Variants in KCNK9 observed in about 807,000 individuals in gnomAD.
The protein encoded by KCNK9 is potassium two pore domain channel subfamily K member 9, also known as potassium channel subfamily K member 9.
In KCNK9, 1 loss-of-function variant was observed where a neutral mutation model predicts 10.8. The observed-to-expected ratio is 0.09, with a 90% CI of 0.03 to 0.44. KCNK9 has a LOEUF of 0.44. KCNK9 is among the 20% of genes least tolerant of loss of function. KCNK9 has a pLI of 0.97. For missense variants in KCNK9, 303 were observed against 515.0 expected (o/e 0.59, Z 3.98); for synonymous variants, 231 against 222.7 (o/e 1.04, Z -0.33).
chr8:139,663,648 C>CGCACGTGTGTGTGTGTGT (rs1816222319), intron 1 of KCNK9, among the ~76,000 whole-genome samples: 3 of 137,600 alleles, frequency 2.2e-5, no homozygotes, highest in Admixed American at 7.2e-5. Context: ...CGCGTGCGCA[C>CGCACGTGTGTGTGTGTGT]GTGTGTGTGT....
downstream of KCNK9, among the ~76,000 whole-genome samples, chr8:139,609,951 G>C (rs1814367526): frequency 6.6e-6 from 1 of 152,052 alleles, no homozygotes; most frequent in African/African-American, 2.4e-5. Context: ...CAGAGGAGTG[G>C]GATGTCTTGC....
chr8:139,643,615 G>C (rs1014015533), intron 1 of KCNK9, among the ~76,000 whole-genome samples: 1 of 152,172 alleles, frequency 6.6e-6, no homozygotes, highest in Non-Finnish European at 1.5e-5. Context: ...CAGGGCACAG[G>C]TGTCCCCTGG....
intron 2 of KCNK9, among the ~76,000 whole-genome samples, chr8:139,602,987 C>T (rs1221358292): frequency 2.0e-5 from 3 of 152,288 alleles, no homozygotes; most frequent in East Asian, 3.9e-4. Flanking sequence ...CCTCAAGTGT[C>T]CTCTTCAAGG....
At chr8:139,688,754 C>G (rs1005545261) in intron 1 of KCNK9, among the ~76,000 whole-genome samples, 1 of 152,156 alleles carries the variant, frequency 6.6e-6, no homozygotes, top group Non-Finnish European at 1.5e-5. Context: ...GTCTTCTTGA[C>G]CATAGTAAGA....
At chr8:139,633,809 C>A (rs1215342145) in intron 1 of KCNK9, among the ~76,000 whole-genome samples, 1 of 152,228 alleles carries the variant, frequency 6.6e-6, no homozygotes, top group African/African-American at 2.4e-5. Context: ...CAGGGCCTTC[C>A]CCCGAGGCCT....
intron 1 of KCNK9, among the ~76,000 whole-genome samples, chr8:139,688,670 G>A (rs1443887682): frequency 6.6e-6 from 1 of 152,208 alleles, no homozygotes; most frequent in Admixed American, 6.5e-5. Flanking sequence ...CTTGACCATG[G>A]CAGGCTTCCA....
In KCNK9 at chr8:139,702,636, C is replaced by A. The variant is rs1011213262; in HGVS notation, c.283+74G>T. The A allele has an allele frequency of 1.4e-6, 2 of 1,479,866 alleles. No individual in the cohort carries two copies. The highest frequency in any genetic ancestry group is 9.1e-7 in the Non-Finnish European group (1 of 1,104,308). 91.7% of individuals were successfully genotyped at this position (1,479,866 alleles called of 1,614,324 possible). ...AACCCTCGACGCCCTGCACCCAGCCCGGCGCGGCGCGCTCAGCCGCCTCCC... is the reference window on the plus strand; with the variant it reads ...AACCCTCGACGCCCTGCACCCAGCCAGGCGCGGCGCGCTCAGCCGCCTCCC... On this transcript the variant is annotated intron_variant, in intron 1 of 1. Coordinates refer to ENST00000520439, the MANE Select transcript of KCNK9 (RefSeq NM_001282534.2). This position sits in a 1 kb window ranked among gnomAD's most constrained non-coding sequence, Gnocchi z 7.5.
intron 1 of KCNK9, among the ~76,000 whole-genome samples, chr8:139,685,089 G>C (rs1200802773): frequency 6.9e-6 from 1 of 144,148 alleles, no homozygotes; most frequent in Non-Finnish European, 1.5e-5. Flanking sequence ...TAATAGGTTT[G>C]TGTAGAACTT....
At chr8:139,692,893 T>C (rs1816962500) in intron 1 of KCNK9, among the ~76,000 whole-genome samples, 1 of 151,890 alleles carries the variant, frequency 6.6e-6, no homozygotes, top group Non-Finnish European at 1.5e-5. Context: ...TGCCTAGAGC[T>C]TCTGCTTCAA....
chr8:139,642,945 G>A (rs1426454596), intron 1 of KCNK9, among the ~76,000 whole-genome samples: 1 of 152,088 alleles, frequency 6.6e-6, no homozygotes, highest in African/African-American at 2.4e-5. Context: ...AAAAGAACTC[G>A]TGTCCTATGG....
chr8:139,702,239 C>G lies in KCNK9; in HGVS notation c.283+471G>C, dbSNP rs1817239578. On this transcript the variant is annotated intron_variant, in intron 1 of 1. Coordinates refer to ENST00000520439, the MANE Select transcript of KCNK9 (RefSeq NM_001282534.2). The surrounding 1 kb of genome is among the most constrained non-coding windows in gnomAD (Gnocchi z 7.5). ...CTACGGAGGGTCAGTGCCTCTCACG[C>G]CCCAGGCGCACTCCCCTGCCACCTG... Among the ~76,000 whole-genome samples the G allele has an allele frequency of 6.6e-6, 1 of 152,174 alleles. No individual in the cohort carries two copies. The highest frequency in any genetic ancestry group is 6.5e-5 in the Admixed American group (1 of 15,290).
chr8:139,701,878 C>T (rs1817228303), intron 1 of KCNK9, among the ~76,000 whole-genome samples: 1 of 152,212 alleles, frequency 6.6e-6, no homozygotes, highest in East Asian at 1.9e-4. Context: ...GCGCCCTTGG[C>T]AGTGGGGCTG....
In KCNK9 at chr8:139,618,861, C is replaced by G. The variant is rs1488545813; in HGVS notation, c.522G>C (p.Gly174=). ...CCTCACACTGGGAGAAGGCGGCCGC[C>G]CCGATGCACAGCGTCCCCATGCAGG... The part of the protein sequence containing the change: ...FFSCMGTLCI[G]AAAFSQCEEW... The change falls in exon 2 of 2, where the codon GGG becomes GGC. Residue 174 remains glycine (G), a synonymous_variant. Coordinates refer to ENST00000520439, the MANE Select transcript of KCNK9 (RefSeq NM_001282534.2). The surrounding 1 kb of genome is among the most constrained non-coding windows in gnomAD (Gnocchi z 7.9). 1.2e-6 allele frequency: 2 copies of G among 1,614,232 alleles called. No homozygotes were observed. The highest frequency in any genetic ancestry group is 1.7e-6 in the Non-Finnish European group (2 of 1,180,052).
At chr8:139,678,286 T>G (rs908780423) in intron 1 of KCNK9, among the ~76,000 whole-genome samples, 2 of 152,202 alleles carry the variant, frequency 1.3e-5, no homozygotes, top group Admixed American at 6.5e-5. Flanking sequence ...TTTCCTGACA[T>G]GTACACCTTG....
downstream of KCNK9, among the ~76,000 whole-genome samples, chr8:139,608,954 T>C (rs1464775632): frequency 3.3e-5 from 5 of 152,070 alleles, no homozygotes; most frequent in Non-Finnish European, 2.9e-5. Flanking sequence ...CTGGCACTTA[T>C]TCCTCTCTAA....
At chr8:139,656,612 G>T (rs1356193072) in intron 1 of KCNK9, among the ~76,000 whole-genome samples, 2 of 152,172 alleles carry the variant, frequency 1.3e-5, no homozygotes, top group African/African-American at 2.4e-5. Flanking sequence ...TGCTTCCCTG[G>T]AAATGACTGA....
chr8:139,643,577 C>T (rs554968824), intron 1 of KCNK9, among the ~76,000 whole-genome samples: 3 of 152,198 alleles, frequency 2.0e-5, no homozygotes, highest in Non-Finnish European at 4.4e-5. Flanking sequence ...ACTGGGTCAA[C>T]AGCTACAGCC....
Position 139,702,854 on chromosome 8 carries a change from G to C in KCNK9, c.139C>G (p.Arg47Gly). The C allele has an allele frequency of 6.2e-7, 1 of 1,613,968 alleles. No individual in the cohort carries two copies. Among genetic ancestry groups the C allele is most frequent in the Non-Finnish European group, 8.5e-7 (1 of 1,179,958 alleles). Residue 47 changes from arginine to glycine, a missense_variant, in exon 1 of 2, where the codon CGG (arginine) becomes GGG (glycine). Arg to Gly is a moderately radical substitution (Grantham distance 125). Coordinates refer to ENST00000520439, the MANE Select transcript of KCNK9 (RefSeq NM_001282534.2). The surrounding 1 kb of genome is among the most constrained non-coding windows in gnomAD (Gnocchi z 7.5). ...CTGATGTTGTACTTCCCCTTGATCCGGATCTCCTCGGCTTTGAGTTTCTCC... is the reference window on the plus strand; with the variant it reads ...CTGATGTTGTACTTCCCCTTGATCCCGATCTCCTCGGCTTTGAGTTTCTCC... Reference protein sequence around the residue: ...EEEKLKAEEIRIKGKYNISSE... With the variant: ...EEEKLKAEEIGIKGKYNISSE...
intron 1 of KCNK9, among the ~76,000 whole-genome samples, chr8:139,653,354 T>G (rs987142614): frequency 2.6e-5 from 4 of 152,148 alleles, no homozygotes; most frequent in African/African-American, 9.7e-5. Context: ...TTGTGACATA[T>G]TTGCTTAAGC....
Sources: allele counts gnomAD v4.1 joint callset (sites outside exome capture counted in the v4.1 genomes callset), GRCh38; gene constraint gnomAD v4.1.1; non-coding constraint Gnocchi (gnomAD v3.1); transcripts MANE v1.5; gene names NCBI Gene and HGNC (gene_info 2026-07-23, HGNC 2026-07-21).